ATRNL1: variants seen among roughly 807,000 people sequenced by gnomAD.
ATRNL1 encodes attractin-like protein 1.
ATRNL1 carries 95 observed loss-of-function variants against 182.7 expected under a neutral mutation model. That is an observed-to-expected ratio of 0.52 (90% confidence interval 0.44 to 0.62). The LOEUF (loss-of-function observed/expected upper bound fraction) is 0.62, where lower values mean the gene tolerates loss of function less well. Ranked by LOEUF, ATRNL1 falls within the 20% of genes least tolerant of loss-of-function variation. The probability of loss-of-function intolerance (pLI) is 0.00; values close to 1 mark genes in which losing one functional copy is unlikely to be tolerated. For missense variants in ATRNL1, 1,471 were observed against 1,679.5 expected, an observed-to-expected ratio of 0.88 and a Z score of 2.17; for synonymous variants, 576 against 568.3, an observed-to-expected ratio of 1.01 and a Z score of -0.19.
At chr10:115,895,647 G>A (rs934921642) in intron 28 of ATRNL1, among the ~76,000 whole-genome samples, 1 of 152,126 alleles carries the variant, frequency 6.6e-6, no homozygotes, top group East Asian at 1.9e-4. Flanking sequence ...GAATTCCAGG[G>A]ATATAAAAGC....
chr10:115,458,382 A>G (rs782318994), intron 21 of ATRNL1, among the ~76,000 whole-genome samples: 1 of 152,148 alleles, frequency 6.6e-6, no homozygotes, highest in Non-Finnish European at 1.5e-5. Context: ...TTCTTTCTTT[A>G]TAGTAGTGCA....
At chr10:115,820,600 C>T (rs1950270105) in intron 27 of ATRNL1, 1 of 152,098 alleles carries the variant, frequency 6.6e-6, no homozygotes, top group Non-Finnish European at 1.5e-5. Flanking sequence ...GTTACTACAG[C>T]CTGTCAGAGG....
intron 24 of ATRNL1, among the ~76,000 whole-genome samples, chr10:115,492,989 C>A (rs1160137137): frequency 6.6e-6 from 1 of 151,976 alleles, no homozygotes; most frequent in African/African-American, 2.4e-5. Context: ...TTCATTTTGT[C>A]ATTCATATGT....
At chr10:115,364,148 T>C (rs199913980) in intron 19 of ATRNL1, among the ~76,000 whole-genome samples, 7 of 142,224 alleles carry the variant, frequency 4.9e-5, no homozygotes, top group Non-Finnish European at 7.8e-5. Flanking sequence ...TTCCTACCCG[T>C]GAGCATGGAA....
chr10:115,755,127 T>C (rs1275781474), intron 27 of ATRNL1, among the ~76,000 whole-genome samples: 1 of 152,184 alleles, frequency 6.6e-6, no homozygotes, highest in Non-Finnish European at 1.5e-5. Flanking sequence ...AGGGAAAATT[T>C]GACTTCCTCT....
chr10:115,273,955 A>G (rs1851987188), intron 13 of ATRNL1, among the ~76,000 whole-genome samples: 2 of 152,152 alleles, frequency 1.3e-5, no homozygotes, highest in African/African-American at 2.4e-5. Context: ...CCAGTTCATG[A>G]TGGGCTGAAA....
intron 17 of ATRNL1, among the ~76,000 whole-genome samples, chr10:115,304,457 C>T (rs782697125): frequency 1.3e-5 from 2 of 152,136 alleles, no homozygotes; most frequent in Non-Finnish European, 2.9e-5. Flanking sequence ...AATACGGACA[C>T]ACGTGGAGTG....
chr10:115,685,198 T>C (rs1946176980), intron 26 of ATRNL1, among the ~76,000 whole-genome samples: 1 of 151,738 alleles, frequency 6.6e-6, no homozygotes, highest in Admixed American at 6.6e-5. Context: ...TATTATAACA[T>C]AGTGATGTTT....
At chr10:115,558,199 C>G (rs911421709) in intron 26 of ATRNL1, among the ~76,000 whole-genome samples, 2 of 151,864 alleles carry the variant, frequency 1.3e-5, no homozygotes, top group African/African-American at 4.8e-5. Context: ...AAGTATTGAA[C>G]AAAATGCACA....
chr10:115,136,735 T>G (rs879986900), intron 5 of ATRNL1, among the ~76,000 whole-genome samples: 1 of 152,224 alleles, frequency 6.6e-6, no homozygotes, highest in Admixed American at 6.5e-5. Context: ...TGACAAGATA[T>G]GTTTAAGTTT....
At chr10:115,135,043 A>G (rs1249774510) in intron 5 of ATRNL1, among the ~76,000 whole-genome samples, 1 of 152,054 alleles carries the variant, frequency 6.6e-6, no homozygotes, top group African/African-American at 2.4e-5. Flanking sequence ...TCTCAAAATA[A>G]TAAGAGGTAT....
chr10:115,354,798 A>G (rs570457543), intron 19 of ATRNL1, among the ~76,000 whole-genome samples: 187 of 152,066 alleles, frequency 1.2e-3, no homozygotes, highest in African/African-American at 4.2e-3. Context: ...TTTTCTTTGT[A>G]TCCTCTTTAA....
At chr10:115,362,123 A>G (rs1183088577) in intron 19 of ATRNL1, among the ~76,000 whole-genome samples, 7 of 152,088 alleles carry the variant, frequency 4.6e-5, no homozygotes, top group African/African-American at 1.7e-4. Context: ...TCATAACAGC[A>G]GGTTAATATA....
At chr10:115,274,309 A>C (rs1174743075) in intron 13 of ATRNL1, among the ~76,000 whole-genome samples, 1 of 152,184 alleles carries the variant, frequency 6.6e-6, no homozygotes, top group Non-Finnish European at 1.5e-5. Flanking sequence ...AATGGGTCAA[A>C]GTAACATACC....
At chr10:115,212,819 G>A (rs1849084321) in intron 8 of ATRNL1, among the ~76,000 whole-genome samples, 1 of 151,904 alleles carries the variant, frequency 6.6e-6, no homozygotes, top group Non-Finnish European at 1.5e-5. Flanking sequence ...GACACATAGA[G>A]GGAAAAAATG....
intron 27 of ATRNL1, among the ~76,000 whole-genome samples, chr10:115,833,449 T>C (rs1347589429): frequency 3.9e-5 from 6 of 152,194 alleles, no homozygotes; most frequent in Non-Finnish European, 2.9e-5. Flanking sequence ...TATAAGCTCC[T>C]GGGCTATTCT....
chr10:115,401,640 T>C (rs182380003), intron 20 of ATRNL1, among the ~76,000 whole-genome samples: 1 of 152,296 alleles, frequency 6.6e-6, no homozygotes, highest in Admixed American at 6.5e-5. Context: ...CTTGAAATCC[T>C]ACCACATGTC....
chr10:115,837,539 T>C (rs1950706997), intron 27 of ATRNL1, among the ~76,000 whole-genome samples: 2 of 144,912 alleles, frequency 1.4e-5, no homozygotes, highest in East Asian at 2.1e-4. Flanking sequence ...AGAACACCCT[T>C]AGGAGGCATT....
At chr10:115,722,255 A>C (rs1200024019) in intron 26 of ATRNL1, among the ~76,000 whole-genome samples, 1 of 129,666 alleles carries the variant, frequency 7.7e-6, no homozygotes, top group Non-Finnish European at 1.7e-5. Context: ...AGATTATAAA[A>C]GCCTAGAAAA....
Sources: allele counts gnomAD v4.1 joint callset (sites outside exome capture counted in the v4.1 genomes callset), GRCh38; gene constraint gnomAD v4.1.1; transcripts MANE v1.5; gene names NCBI Gene and HGNC (gene_info 2026-07-23, HGNC 2026-07-21).